ABHD18: variants seen among roughly 807,000 people sequenced by gnomAD.
ABHD18 encodes abhydrolase domain containing 18.
In ABHD18, 55 loss-of-function variants were observed where a neutral mutation model predicts 65.9. That is an observed-to-expected ratio of 0.84 (90% confidence interval 0.67 to 1.05). ABHD18 has a LOEUF of 1.05. Among genes scored for constraint, ABHD18 ranks in the 50% least tolerant of loss-of-function variants. ABHD18 has a pLI of 0.00. For synonymous variants in ABHD18, 181 were observed against 180.2 expected (o/e 1.00, Z -0.04); for missense variants, 533 against 558.5 (o/e 0.95, Z 0.46).
chr4:128,035,145 C>A (rs1758739725), intron 12 of ABHD18, among the ~76,000 whole-genome samples: 1 of 152,106 alleles, frequency 6.6e-6, no homozygotes, highest in Non-Finnish European at 1.5e-5. Context: ...GACAATAAAT[C>A]AGTTCCTTTT....
rs1463639486 is a variant in ABHD18 at position 127,970,281 on chromosome 4, C to T, written c.-18+4675C>T. Reference sequence around the variant, plus strand: ...ACAAAGAAAGATGATGCCCCTGGTTCATTTCATGCTGATGTTAAGAAAATA... The same window carrying T: ...ACAAAGAAAGATGATGCCCCTGGTTTATTTCATGCTGATGTTAAGAAAATA... On this transcript the variant is annotated intron_variant, in intron 1 of 12. Transcript: ENST00000645843. Among the ~76,000 whole-genome samples the T allele has an allele frequency of 3.3e-5, 5 of 151,890 alleles. No homozygotes were observed. In the East Asian group the frequency reaches 9.7e-4, roughly 29 times the overall value.
At position 127,978,365 on chromosome 4, in the gene ABHD18, GAGA is replaced by G. The variant is rs763669002; in HGVS notation, c.-17-4568_-17-4566del. ...ACTCCATTTTACAATGACCGCCAATGAGAAGAAGGAATTTAATATTTTAAAGAA... is the reference window on the plus strand; with the variant it reads ...ACTCCATTTTACAATGACCGCCAATGAGAAGGAATTTAATATTTTAAAGAA... On this transcript the variant is annotated intron_variant, in intron 1 of 12. Transcript: ENST00000645843. Among the ~76,000 whole-genome samples the G allele has an allele frequency of 2.7e-3, 414 of 152,224 alleles. 4 individuals are homozygous for G. Among genetic ancestry groups the G allele is most frequent in the South Asian group, 1.2e-3 (6 of 4,832 alleles).
At chr4:127,971,122 T>C (rs1004142598) in intron 1 of ABHD18, among the ~76,000 whole-genome samples, 2 of 151,184 alleles carry the variant, frequency 1.3e-5, no homozygotes, top group Admixed American at 6.6e-5. Context: ...GAAGGTGGCC[T>C]GTGTGCCTGT....
intron 4 of ABHD18, among the ~76,000 whole-genome samples, chr4:127,998,510 A>G (rs1449008495): frequency 1.3e-5 from 2 of 149,366 alleles, no homozygotes; most frequent in Non-Finnish European, 3.0e-5. Context: ...AAGTGCTGGG[A>G]TTACGGGCGT....
At chr4:127,998,338 A>G (rs1033807093) in intron 4 of ABHD18, among the ~76,000 whole-genome samples, 2 of 134,484 alleles carry the variant, frequency 1.5e-5, no homozygotes, top group Non-Finnish European at 3.1e-5. Flanking sequence ...GCTGGAGTGC[A>G]CTGGCACGAT....
intron 6 of ABHD18, among the ~76,000 whole-genome samples, chr4:128,010,488 T>C (rs1206679228): frequency 6.7e-6 from 1 of 149,360 alleles, no homozygotes; most frequent in South Asian, 2.1e-4. Flanking sequence ...GATCACACCA[T>C]GGCATTCCAG....
intron 12 of ABHD18, among the ~76,000 whole-genome samples, chr4:128,033,893 G>A (rs1261880715): frequency 6.6e-6 from 1 of 151,536 alleles, no homozygotes; most frequent in African/African-American, 2.4e-5. Flanking sequence ...GAACAAGTGG[G>A]ATACAAAATT....
At chr4:127,978,995 A>C (rs961028629) in intron 1 of ABHD18, among the ~76,000 whole-genome samples, 17 of 152,220 alleles carry the variant, frequency 1.1e-4, no homozygotes, top group Non-Finnish European at 2.1e-4. Flanking sequence ...TAAAGTTGAA[A>C]CATCAACTTT....
At chr4:127,992,772 G>T (rs1344014004) in intron 4 of ABHD18, among the ~76,000 whole-genome samples, 1 of 151,838 alleles carries the variant, frequency 6.6e-6, no homozygotes, top group Non-Finnish European at 1.5e-5. Context: ...TCAAATTCCT[G>T]GGCTCATGTG....
intron 2 of ABHD18, among the ~76,000 whole-genome samples, chr4:127,983,910 A>G (rs904621045): frequency 6.6e-6 from 1 of 152,096 alleles, no homozygotes; most frequent in African/African-American, 2.4e-5. Flanking sequence ...GTGGTGGCAC[A>G]TGCCTGTAAT....
intron 7 of ABHD18, among the ~76,000 whole-genome samples, chr4:128,012,061 T>C (rs1169623858): frequency 6.6e-6 from 1 of 151,478 alleles, no homozygotes; most frequent in East Asian, 1.9e-4. Context: ...CACTGGAACC[T>C]CTGCCTCCTG....
At position 128,030,505 on chromosome 4, in the gene ABHD18, C is replaced by A. The variant is rs367937037; in HGVS notation, c.1181-5C>A. On this transcript the variant is annotated splice_region_variant and splice_polypyrimidine_tract_variant and intron_variant, in intron 11 of 12. Coordinates refer to ENST00000645843, the MANE Select transcript of ABHD18 (RefSeq NM_001358451.3). Reference sequence around the variant, plus strand: ...ATGTTGAATTTTTAAAAATCCTATACCTAGTCCCAGTTGATCCAAGCCTCA... The same window carrying A: ...ATGTTGAATTTTTAAAAATCCTATAACTAGTCCCAGTTGATCCAAGCCTCA... 11 of 1,533,462 alleles carry A rather than the reference C, an allele frequency of 7.2e-6. No individual in the cohort carries two copies. Among genetic ancestry groups the A allele is most frequent in the Admixed American group, 2.5e-5 (1 of 40,278 alleles). 95.0% of individuals were successfully genotyped at this position (1,533,462 alleles called of 1,614,324 possible).
intron 12 of ABHD18, among the ~76,000 whole-genome samples, chr4:128,032,165 G>A (rs948711851): frequency 1.3e-5 from 2 of 152,128 alleles, no homozygotes; most frequent in Admixed American, 1.3e-4. Flanking sequence ...AGAGATAAAT[G>A]TTAACTATTA....
Position 128,028,474 on chromosome 4 carries a change from G to A in ABHD18, c.802-1G>A, listed in dbSNP as rs751562398. ...TGTTTTCTTTCCTTTCATATGTTCA[G>A]ACAGATTCTTTCAAAATGGGACAAG... On this transcript the variant is annotated splice_acceptor_variant, in intron 10 of 12. Transcript: ENST00000645843. LOFTEE classifies it high-confidence loss of function. 1 of 1,526,686 alleles carries A rather than the reference G, an allele frequency of 6.6e-7. No homozygotes were observed. The highest frequency in any genetic ancestry group is 2.3e-5 in the Admixed American group (1 of 42,580). 94.6% of individuals were successfully genotyped at this position (1,526,686 alleles called of 1,614,324 possible). A position where few individuals can be genotyped will look rare whatever the true frequency, so the allele number is the denominator to read the frequency against.
At chr4:128,002,566 C>T (rs1186673560) in intron 4 of ABHD18, among the ~76,000 whole-genome samples, 1 of 149,822 alleles carries the variant, frequency 6.7e-6, no homozygotes, top group African/African-American at 2.5e-5. Context: ...AGGTGTGAGG[C>T]ACCACACCCT....
chr4:128,015,462 T>C (rs1441040329), intron 7 of ABHD18, among the ~76,000 whole-genome samples: 1 of 152,044 alleles, frequency 6.6e-6, no homozygotes, highest in African/African-American at 2.4e-5. Flanking sequence ...AAGGCTCCCA[T>C]ACAAGGCTAA....
In ABHD18 at chr4:128,028,788, G is replaced by A. The variant is rs752198419; in HGVS notation, c.1115G>A (p.Arg372Gln). ...AAAGAACAAAGCAGAAACAGTCTTC[G>A]GAAAGAGTCTTTAATATTTATGAAA... Reference protein sequence around the residue: ...LSKEQSRNSLRKESLIFMKGV... With the variant: ...LSKEQSRNSLQKESLIFMKGV... Residue 372 changes from arginine (R) to glutamine (Q), a missense_variant, in exon 11 of 13, where the codon CGG becomes CAG. By Grantham distance (43) the Arg-to-Gln change is conservative. Transcript: ENST00000645843. The A allele has an allele frequency of 1.8e-5, 29 of 1,609,354 alleles. No homozygotes were observed. The highest frequency in any genetic ancestry group is 2.7e-5 in the African/African-American group (2 of 74,636).
chr4:128,033,959 C>CTT (rs996416880), intron 12 of ABHD18, among the ~76,000 whole-genome samples: 54 of 123,436 alleles, frequency 4.4e-4, no homozygotes, highest in Non-Finnish European at 5.7e-4. Flanking sequence ...TTTCTTTTTT[C>CTT]TTTTTTTTTT....
intron 10 of ABHD18, among the ~76,000 whole-genome samples, chr4:128,022,609 A>C (rs2149171750): frequency 6.6e-6 from 1 of 152,210 alleles, no homozygotes; most frequent in African/African-American, 2.4e-5. Context: ...GAATACTTTT[A>C]TAGGGAGACA....
Sources: allele counts gnomAD v4.1 joint callset (sites outside exome capture counted in the v4.1 genomes callset), GRCh38; gene constraint gnomAD v4.1.1; transcripts MANE v1.5; gene names NCBI Gene and HGNC (gene_info 2026-07-23, HGNC 2026-07-21).